The following PLIN3 variants were observed in gnomAD, a reference collection of about 807,000 sequenced individuals.
The protein encoded by PLIN3 is perilipin 3.
Under a neutral mutation model 35.9 loss-of-function variants are expected in PLIN3, and 30 were observed. The ratio of observed to expected loss-of-function variants is 0.84; its 90% confidence interval spans 0.62 to 1.13. The LOEUF (loss-of-function observed/expected upper bound fraction) is 1.13. Ranked by LOEUF, PLIN3 falls within the 50% of genes most tolerant of loss-of-function variation. PLIN3 has a pLI of 0.00. For missense variants in PLIN3, 603 were observed against 596.9 expected, an observed-to-expected ratio of 1.01 and a Z score of -0.11; for synonymous variants, 261 against 262.5, an observed-to-expected ratio of 0.99 and a Z score of 0.06.
chr19:4,853,770 A>C (rs981686784), intron 4 of PLIN3, among the ~76,000 whole-genome samples: 6 of 151,698 alleles, frequency 4.0e-5, no homozygotes, highest in Non-Finnish European at 8.8e-5. Context: ...CCGAGACTGC[A>C]CCACTGCACT....
chr19:4,861,262 G>A (rs757603015), intron 2 of PLIN3, 67 bp downstream of exon 2: 249 of 1,409,054 alleles, frequency 1.8e-4, no homozygotes, highest in Non-Finnish European at 2.4e-4. Flanking sequence ...GGGCACCCTG[G>A]GGTGGGAAGC....
chr19:4,840,724 C>G (rs955691166), intron 7 of PLIN3, among the ~76,000 whole-genome samples: 1 of 152,056 alleles, frequency 6.6e-6, no homozygotes, highest in Non-Finnish European at 1.5e-5. Context: ...GGCCAAGGTG[C>G]GTGGATCACC....
At chr19:4,866,506 G>A (rs975121158) in intron 1 of PLIN3, 2 of 152,202 alleles carry the variant, frequency 1.3e-5, no homozygotes, top group Non-Finnish European at 2.9e-5. Context: ...CACATAGTAA[G>A]TGCTCCATAA....
chr19:4,866,372 G>A (rs2030859390), intron 1 of PLIN3, among the ~76,000 whole-genome samples: 1 of 152,130 alleles, frequency 6.6e-6, no homozygotes, highest in African/African-American at 2.4e-5. Flanking sequence ...AGTTTGGGAA[G>A]GCAGCATCCC....
intron 4 of PLIN3, among the ~76,000 whole-genome samples, chr19:4,855,249 GAAAAAAA>G (rs377681525): frequency 2.7e-5 from 1 of 36,410 alleles, no homozygotes; most frequent in African/African-American, 9.5e-5. Context: ...GACTCCATCT[GAAAAAAA>G]AAAAAAAAAA....
chr19:4,841,878 C>G (rs1379594268), intron 7 of PLIN3, among the ~76,000 whole-genome samples: 4 of 130,602 alleles, frequency 3.1e-5, no homozygotes, highest in African/African-American at 1.2e-4. Context: ...GCACTCCAGC[C>G]TGGGCGACAG....
At chr19:4,858,705 T>TTTTC (rs1599172472) in intron 4 of PLIN3, among the ~76,000 whole-genome samples, 1 of 136,810 alleles carries the variant, frequency 7.3e-6, no homozygotes, top group Admixed American at 7.4e-5. Flanking sequence ...TTTTTGGTTT[T>TTTTC]TTTTTTTTTT....
intron 7 of PLIN3, 48 bp downstream of exon 7, chr19:4,844,620 T>C (rs376081283): frequency 1.4e-5 from 21 of 1,551,852 alleles, no homozygotes; most frequent in South Asian, 2.4e-5. Flanking sequence ...GAGAGTGGCA[T>C]CGGGACTCCA....
At chr19:4,851,904 T>C in intron 5 of PLIN3, 112 bp downstream of exon 5, 1 of 1,119,036 alleles carries the variant, frequency 8.9e-7, no homozygotes, top group South Asian at 1.5e-5. Context: ...CCGGGAGAAG[T>C]GGCAGGGACG....
intron 4 of PLIN3, among the ~76,000 whole-genome samples, chr19:4,852,530 G>C (rs2030336464): frequency 6.6e-6 from 1 of 152,216 alleles, no homozygotes; most frequent in Non-Finnish European, 1.5e-5. Flanking sequence ...GGAGTTGTGG[G>C]CATGACCTCA....
intron 4 of PLIN3, 86 bp from the exon 5 acceptor site, chr19:4,852,387 A>G: frequency 6.7e-7 from 1 of 1,494,940 alleles, no homozygotes; most frequent in African/African-American, 1.4e-5. Flanking sequence ...AGGGAGACCG[A>G]GGCGGGGAGC....
chr19:4,860,944 C>T (rs1599175118), intron 2 of PLIN3, among the ~76,000 whole-genome samples: 1 of 152,166 alleles, frequency 6.6e-6, no homozygotes, highest in Non-Finnish European at 1.5e-5. Context: ...GCACTCCAGG[C>T]TGGGCGACAC....
At chr19:4,863,688 G>A (rs928489748) in intron 1 of PLIN3, among the ~76,000 whole-genome samples, 5 of 150,804 alleles carry the variant, frequency 3.3e-5, no homozygotes, top group Admixed American at 6.6e-5. Flanking sequence ...GCGTGGTGGT[G>A]CACGCCTCCA....
chr19:4,858,776 A>T (rs564772646), intron 4 of PLIN3, among the ~76,000 whole-genome samples: 5 of 139,902 alleles, frequency 3.6e-5, no homozygotes, highest in Non-Finnish European at 7.6e-5. Flanking sequence ...ATCTCGGATC[A>T]CTGCAACCTC....
intron 5 of PLIN3, among the ~76,000 whole-genome samples, chr19:4,848,327 G>C (rs1343060588): frequency 1.3e-5 from 2 of 152,146 alleles, no homozygotes; most frequent in Non-Finnish European, 2.9e-5. Context: ...TATAAACCTC[G>C]AAGGCCTGGG....
intron 6 of PLIN3, among the ~76,000 whole-genome samples, chr19:4,846,318 GA>G (rs35248667): frequency 0.4 from 55,574 of 138,280 alleles, 11,089 homozygotes; most frequent in East Asian, 0.53. Flanking sequence ...CCTGTCTCTG[GA>G]AAAAAAAAAA....
chr19:4,849,718 T>C (rs2030223834), intron 5 of PLIN3, among the ~76,000 whole-genome samples: 1 of 152,146 alleles, frequency 6.6e-6, no homozygotes. Flanking sequence ...AATGGCATGA[T>C]CTCGGCTCAC....
chr19:4,854,841 A>G (rs1280098000), intron 4 of PLIN3, among the ~76,000 whole-genome samples: 1 of 152,106 alleles, frequency 6.6e-6, no homozygotes, highest in Admixed American at 6.6e-5. Context: ...CAGGCCAGGC[A>G]CGGTGGCTCA....
chr19:4,858,994 G>A (rs1000001466), intron 4 of PLIN3, among the ~76,000 whole-genome samples: 5 of 152,016 alleles, frequency 3.3e-5, no homozygotes, highest in East Asian at 3.9e-4. Flanking sequence ...GAGCCACCGC[G>A]CCCGGCCAGG....
Sources: allele counts gnomAD v4.1 joint callset (sites outside exome capture counted in the v4.1 genomes callset), GRCh38; gene constraint gnomAD v4.1.1; transcripts MANE v1.5; gene names NCBI Gene and HGNC (gene_info 2026-07-23, HGNC 2026-07-21).